GPR158: variants seen among roughly 807,000 people sequenced by gnomAD.
GPR158 encodes the protein G protein-coupled receptor 158, also known as metabotropic glycine receptor.
Under a neutral mutation model 78.2 loss-of-function variants are expected in GPR158, and 30 were observed. That is an observed-to-expected ratio of 0.38 (90% CI 0.29 to 0.52). GPR158 has a LOEUF of 0.52. Among genes scored for constraint, GPR158 ranks in the 20% least tolerant of loss-of-function variants. The pLI is 0.83. For synonymous variants in GPR158, 581 were observed against 591.1 expected, an observed-to-expected ratio of 0.98 and a Z score of 0.25; for missense variants, 1,463 against 1,523.5, an observed-to-expected ratio of 0.96 and a Z score of 0.66.
intron 4 of GPR158, among the ~76,000 whole-genome samples, chr10:25,459,873 A>C (rs573138738): frequency 6.6e-6 from 1 of 152,282 alleles, no homozygotes; most frequent in African/African-American, 2.4e-5. Flanking sequence ...GCTGTTATAA[A>C]CCTCCATAAG....
intron 1 of GPR158, among the ~76,000 whole-genome samples, chr10:25,206,906 C>T (rs914650693): frequency 1.3e-5 from 2 of 150,134 alleles, no homozygotes; most frequent in Admixed American, 6.7e-5. Flanking sequence ...TGCCAGAAGA[C>T]GTAAGGCTCC....
In GPR158 at chr10:25,601,420, G is replaced by C. The variant is rs1837496190; in HGVS notation, c.*2146G>C. On this transcript the variant is annotated 3_prime_UTR_variant, in exon 11 of 11. Transcript: ENST00000376351. ...TAAGGAATCTTTGTGAACTGGGTTG[G>C]AAGTTCCTAGACCCACATATTTGTT... is the stretch of plus-strand genomic sequence containing the variant. 6.6e-6 allele frequency: 1 copy of C among 152,546 alleles called. No individual in the cohort carries two copies. The highest frequency in any genetic ancestry group is 2.4e-5 in the African/African-American group (1 of 41,416). 9.4% of individuals were successfully genotyped at this position (152,546 alleles called of 1,614,324 possible).
intron 6 of GPR158, among the ~76,000 whole-genome samples, chr10:25,566,974 T>C (rs1028766356): frequency 1.3e-5 from 2 of 152,164 alleles, no homozygotes; most frequent in Non-Finnish European, 2.9e-5. Context: ...ACGAGAAGTG[T>C]CACCTCATAC....
intron 8 of GPR158, among the ~76,000 whole-genome samples, chr10:25,590,590 A>AAGCAATATGCTTAT (rs1837329437): frequency 6.6e-6 from 1 of 152,190 alleles, no homozygotes; most frequent in South Asian, 2.1e-4. Context: ...TTTGCAGAAT[A>AAGCAATATGCTTAT]TCAAGCATAT....
chr10:25,514,324 C>A (rs1836131322), intron 5 of GPR158, among the ~76,000 whole-genome samples: 1 of 152,070 alleles, frequency 6.6e-6, no homozygotes, highest in Admixed American at 6.6e-5. Flanking sequence ...AGTAGTTACT[C>A]CTGCTCACTT....
At chr10:25,393,834 C>T (rs551385754) in intron 2 of GPR158, 1 of 152,320 alleles carries the variant, frequency 6.6e-6, no homozygotes, top group African/African-American at 2.4e-5. Context: ...AGCCGGATTA[C>T]TCTCATATTT....
intron 4 of GPR158, among the ~76,000 whole-genome samples, chr10:25,429,153 T>C (rs564008168): frequency 6.6e-6 from 1 of 152,220 alleles, no homozygotes; most frequent in East Asian, 1.9e-4. Context: ...CATAGCCTAC[T>C]AGCCAATTCT....
At chr10:25,218,927 ACT>A (rs1166645502) in intron 1 of GPR158, among the ~76,000 whole-genome samples, 1 of 152,016 alleles carries the variant, frequency 6.6e-6, no homozygotes, top group Non-Finnish European at 1.5e-5. Flanking sequence ...CTAGAATTAA[ACT>A]CTATGAAGGC....
intron 1 of GPR158, among the ~76,000 whole-genome samples, chr10:25,182,453 A>G (rs2130629800): frequency 6.6e-6 from 1 of 152,306 alleles, no homozygotes; most frequent in East Asian, 1.9e-4. Flanking sequence ...AAAGGGTTAC[A>G]TGTTGTGGTG....
chr10:25,235,707 T>TC (rs1261349383), intron 2 of GPR158, among the ~76,000 whole-genome samples: 1 of 149,192 alleles, frequency 6.7e-6, no homozygotes, highest in Non-Finnish European at 1.5e-5. Flanking sequence ...TTTTTTTTTT[T>TC]TTTTTTTGAG....
chr10:25,417,905 C>T (rs1834685205), intron 4 of GPR158, among the ~76,000 whole-genome samples: 1 of 152,126 alleles, frequency 6.6e-6, no homozygotes, highest in African/African-American at 2.4e-5. Context: ...CACCAGAATT[C>T]ATAAAATCTT....
chr10:25,357,732 T>A (rs34165837), intron 2 of GPR158, among the ~76,000 whole-genome samples: 15,049 of 152,004 alleles, frequency 0.099, 1,839 homozygotes, highest in African/African-American at 0.29. Flanking sequence ...GGGCGGGGAC[T>A]TCAAGGAGAA....
At chr10:25,271,718 A>G (rs1439935585) in intron 2 of GPR158, among the ~76,000 whole-genome samples, 2 of 152,252 alleles carry the variant, frequency 1.3e-5, no homozygotes, top group African/African-American at 2.4e-5. Context: ...GTGGAATGCT[A>G]TGGTGCGATC....
chr10:25,505,530 A>G (rs185584970), intron 5 of GPR158, among the ~76,000 whole-genome samples: 3 of 152,226 alleles, frequency 2.0e-5, no homozygotes, highest in East Asian at 3.9e-4. Context: ...CACATAATTG[A>G]CAGGATAAAT....
chr10:25,332,921 A>G (rs894390064), intron 2 of GPR158, among the ~76,000 whole-genome samples: 1 of 152,136 alleles, frequency 6.6e-6, no homozygotes, highest in East Asian at 1.9e-4. Context: ...AAAAAGAAAG[A>G]TGTCTTAGAG....
chr10:25,209,280 C>T (rs76794146), intron 1 of GPR158, among the ~76,000 whole-genome samples: 7,161 of 152,270 alleles, frequency 0.047, 490 homozygotes, highest in African/African-American at 0.15. Context: ...ATCTCTTCCT[C>T]TTATAAGACA....
intron 1 of GPR158, among the ~76,000 whole-genome samples, chr10:25,200,470 G>C (rs1852907106): frequency 1.3e-5 from 2 of 152,154 alleles, no homozygotes; most frequent in African/African-American, 4.8e-5. Flanking sequence ...TGGGGTGTCT[G>C]TTTGCTCTGT....
intron 6 of GPR158, among the ~76,000 whole-genome samples, chr10:25,568,949 T>A (rs1836967657): frequency 6.6e-6 from 1 of 152,218 alleles, no homozygotes; most frequent in African/African-American, 2.4e-5. Context: ...TCTACAGTTG[T>A]ATTTCATACA....
rs556302010 is a variant in GPR158 at position 25,244,920 on chromosome 10, C to CT, written c.1008+23763_1008+23764insT. On this transcript the variant is annotated intron_variant, in intron 2 of 10. Transcript: ENST00000376351. ...CTCCTGGATTTCTGGTTTATTTAAC[C>CT]AGAGGTGCATGTTTCTTTTGGCAGG... 16 of 151,704 alleles carry CT rather than the reference C, an allele frequency of 1.1e-4. No homozygotes were observed. In the South Asian group the frequency reaches 3.3e-3, roughly 32 times the overall value. The allele number at this position is 151,704 out of a possible 1,614,324, so 9.4% of individuals were successfully genotyped here.
Sources: gnomAD v4.1 joint callset for allele counts (sites outside exome capture counted in the v4.1 genomes callset) on GRCh38, gnomAD v4.1.1 for gene constraint, MANE v1.5 for transcripts, NCBI Gene and HGNC (gene_info 2026-07-23, HGNC 2026-07-21) for gene names.